Variants in PDE11A observed in about 807,000 individuals in gnomAD.
PDE11A encodes dual 3',5'-cyclic-AMP and -GMP phosphodiesterase 11A.
PDE11A carries 100 observed loss-of-function variants against 100.5 expected under a neutral mutation model. The ratio of observed to expected loss-of-function variants is 1.00; its 90% CI spans 0.85 to 1.18. The LOEUF (loss-of-function observed/expected upper bound fraction) is 1.18, where lower values mean the gene tolerates loss of function less well. PDE11A is among the 50% of genes most tolerant of loss of function. The pLI is 0.00. For missense variants in PDE11A, 1,141 were observed against 1,152.6 expected, an observed-to-expected ratio of 0.99 and a Z score of 0.15; for synonymous variants, 381 against 420.8, an observed-to-expected ratio of 0.91 and a Z score of 1.16.
intron 5 of PDE11A, among the ~76,000 whole-genome samples, chr2:177,845,326 G>A (rs2083570574): frequency 6.8e-6 from 1 of 147,906 alleles, no homozygotes; most frequent in African/African-American, 2.5e-5. Flanking sequence ...GGGCGGCCGG[G>A]CAGAGTCGCT....
chr2:177,720,514 C>T (rs1419957083), intron 12 of PDE11A, among the ~76,000 whole-genome samples: 1 of 152,102 alleles, frequency 6.6e-6, no homozygotes, highest in Non-Finnish European at 1.5e-5. Flanking sequence ...TAAAGTTTGT[C>T]TACCAATAAA....
chr2:178,075,787 T>C (rs958059229), upstream of PDE11A, among the ~76,000 whole-genome samples: 5 of 152,142 alleles, frequency 3.3e-5, no homozygotes, highest in South Asian at 2.1e-4. Flanking sequence ...AGGATGATTC[T>C]TGGCCCTATA....
intron 9 of PDE11A, among the ~76,000 whole-genome samples, chr2:177,788,735 C>G (rs1417511378): frequency 2.0e-5 from 3 of 152,164 alleles, no homozygotes; most frequent in Non-Finnish European, 4.4e-5. Context: ...GAAATTCAAA[C>G]TACCATCAGA....
At chr2:177,821,482 A>G (rs1193737331) in intron 6 of PDE11A, among the ~76,000 whole-genome samples, 1 of 151,854 alleles carries the variant, frequency 6.6e-6, no homozygotes, top group Non-Finnish European at 1.5e-5. Context: ...TCTGATAGGC[A>G]TATACTTATA....
intron 9 of PDE11A, among the ~76,000 whole-genome samples, chr2:177,797,943 T>C (rs2082728271): frequency 6.6e-6 from 1 of 152,190 alleles, no homozygotes; most frequent in African/African-American, 2.4e-5. Context: ...TCAATGATTC[T>C]CCACTGCTTT....
At chr2:177,646,534 G>C (rs944022080) in intron 19 of PDE11A, among the ~76,000 whole-genome samples, 12 of 152,204 alleles carry the variant, frequency 7.9e-5, no homozygotes, top group Non-Finnish European at 1.3e-4. Context: ...AGTTTACATG[G>C]TTAAGTACAC....
chr2:177,903,481 T>C (rs1281325323), intron 3 of PDE11A, among the ~76,000 whole-genome samples: 1 of 152,222 alleles, frequency 6.6e-6, no homozygotes, highest in Non-Finnish European at 1.5e-5. Context: ...GGGATTTGGA[T>C]AGACAGCATG....
At chr2:178,057,610 T>C (rs1277817925) in intron 1 of PDE11A, among the ~76,000 whole-genome samples, 2 of 152,204 alleles carry the variant, frequency 1.3e-5, no homozygotes, top group African/African-American at 2.4e-5. Flanking sequence ...AACATTGCCA[T>C]TATTAACTAC....
At chr2:177,852,079 A>G (rs1345343830) in intron 5 of PDE11A, among the ~76,000 whole-genome samples, 3 of 152,116 alleles carry the variant, frequency 2.0e-5, no homozygotes, top group Admixed American at 6.5e-5. Flanking sequence ...ATACCTAAGT[A>G]CTTTCTGGGG....
intron 2 of PDE11A, among the ~76,000 whole-genome samples, chr2:178,085,911 C>T (rs2087347910): frequency 6.6e-6 from 1 of 152,180 alleles, no homozygotes; most frequent in African/African-American, 2.4e-5. Flanking sequence ...AAAAATCAAA[C>T]AGATTTTCGG....
intron 2 of PDE11A, among the ~76,000 whole-genome samples, chr2:177,969,198 C>T (rs2085737637): frequency 6.6e-6 from 1 of 152,102 alleles, no homozygotes; most frequent in Non-Finnish European, 1.5e-5. Context: ...TGTTCTCATT[C>T]ATAAATGGGA....
intron 10 of PDE11A, among the ~76,000 whole-genome samples, chr2:177,763,596 G>T (rs1387186825): frequency 1.3e-5 from 2 of 152,138 alleles, no homozygotes; most frequent in Non-Finnish European, 2.9e-5. Context: ...TGCCCCTACC[G>T]ATGGGGTGGG....
chr2:178,068,579 A>C (rs2105870740), intron 1 of PDE11A, among the ~76,000 whole-genome samples: 1 of 152,304 alleles, frequency 6.6e-6, no homozygotes, highest in South Asian at 2.1e-4. Context: ...AGCAAGAAAC[A>C]CCTTAAAAAT....
At chr2:178,055,207 T>A (rs1156535280) in intron 1 of PDE11A, among the ~76,000 whole-genome samples, 1 of 152,134 alleles carries the variant, frequency 6.6e-6, no homozygotes, top group Non-Finnish European at 1.5e-5. Flanking sequence ...GGGACATGGA[T>A]GAAGCTGGAA....
intron 2 of PDE11A, among the ~76,000 whole-genome samples, chr2:177,971,866 G>GA (rs893166210): frequency 3.7e-4 from 55 of 146,760 alleles, no homozygotes; most frequent in East Asian, 7.9e-4. Flanking sequence ...AAGTAATTCA[G>GA]AAAAAAAAAA....
upstream of PDE11A, among the ~76,000 whole-genome samples, chr2:178,075,113 C>CA (rs1007394923): frequency 5.3e-5 from 8 of 152,082 alleles, no homozygotes; most frequent in African/African-American, 1.9e-4. Flanking sequence ...ATGACAGAAA[C>CA]AGTGAAGAAA....
chr2:177,863,183 C>A (rs1303488610), intron 5 of PDE11A, among the ~76,000 whole-genome samples: 1 of 151,794 alleles, frequency 6.6e-6, no homozygotes, highest in Non-Finnish European at 1.5e-5. Context: ...AAAATCAACT[C>A]AAAATGAAAA....
intron 10 of PDE11A, among the ~76,000 whole-genome samples, chr2:177,752,799 T>A (rs566593394): frequency 6.6e-6 from 1 of 152,354 alleles, no homozygotes; most frequent in South Asian, 2.1e-4. Context: ...TGTATCATTA[T>A]TTATACCCAT....
chr2:178,074,961 C>T (rs1194798941), upstream of PDE11A, among the ~76,000 whole-genome samples: 2 of 152,118 alleles, frequency 1.3e-5, no homozygotes, highest in South Asian at 2.1e-4. Context: ...GGTGTGGCCA[C>T]ATTGCCATTT....
Sources: gnomAD v4.1 joint callset for allele counts (sites outside exome capture counted in the v4.1 genomes callset) on GRCh38, gnomAD v4.1.1 for gene constraint, MANE v1.5 for transcripts, NCBI Gene and HGNC (gene_info 2026-07-23, HGNC 2026-07-21) for gene names.